Variants in TEX14 observed in about 807,000 individuals in gnomAD.
TEX14 encodes the protein inactive serine/threonine-protein kinase TEX14.
In TEX14, 168 loss-of-function variants were observed where a neutral mutation model predicts 178.6. The observed-to-expected ratio is 0.94, with a 90% CI of 0.83 to 1.07. The LOEUF is 1.07. Among genes scored for constraint, TEX14 ranks in the 50% least tolerant of loss-of-function variants. TEX14 has a pLI of 0.00. For synonymous variants in TEX14, 626 were observed against 634.1 expected, an observed-to-expected ratio of 0.99 and a Z score of 0.19; for missense variants, 1,730 against 1,753.6, an observed-to-expected ratio of 0.99 and a Z score of 0.24.
chr17:58,681,742 C>A (rs568678246), intron 1 of TEX14, among the ~76,000 whole-genome samples: 1 of 151,978 alleles, frequency 6.6e-6, no homozygotes, highest in Non-Finnish European at 1.5e-5. Flanking sequence ...ACCCAGGAGG[C>A]TGATGAAGGA....
At chr17:58,640,305 C>CA (rs71143261) in intron 2 of TEX14, among the ~76,000 whole-genome samples, 27,076 of 130,240 alleles carry the variant, frequency 0.21, 2,526 homozygotes, top group Non-Finnish European at 0.23. Context: ...GACTCTGTCC[C>CA]AAAAAAAAAA....
chr17:58,617,664 C>A lies in TEX14; in HGVS notation c.555-45G>T, dbSNP rs1248322947. 4 of 1,384,140 alleles carry A rather than the reference C, an allele frequency of 2.9e-6. No homozygotes were observed. In the African/African-American group the frequency reaches 5.7e-5, roughly 20 times the overall value. The allele number at this position is 1,384,140 out of a possible 1,614,324, so 85.7% of individuals were successfully genotyped here. On this transcript the variant is annotated intron_variant, in intron 5 of 31. Coordinates refer to ENST00000349033, the MANE Select transcript of TEX14 (RefSeq NM_031272.5). ...GAAAAAAACCTCAGAATTAACCACT[C>A]ATATCCAGAATAATAATGCTGAACC...
At position 58,611,242 on chromosome 17, in the gene TEX14, T is replaced by C; in HGVS notation, c.1103A>G (p.His368Arg). The change falls in exon 10 of 32, where the codon CAC becomes CGC. Residue 368 changes from histidine to arginine, a missense_variant. Around this residue, in one of 2 missense-constraint regions of TEX14, gnomAD observed 789 missense variants for 681.2 expected, o/e 1.16. Transcript: ENST00000349033. ...GACAGCATAGGAGCTGAGGGAGCGG[T>C]GGATAAACCCCTGGAAATGCAGGTA... ...LRYLHFQGFI[H>R]RSLSSYAVHI... 6.2e-7 allele frequency: 1 copy of C among 1,613,744 alleles called. No homozygotes were observed. The highest frequency in any genetic ancestry group is 8.5e-7 in the Non-Finnish European group (1 of 1,179,780).
chr17:58,579,801 T>G, intron 19 of TEX14, 70 bp from the exon 20 acceptor site: 1 of 1,202,782 alleles, frequency 8.3e-7, no homozygotes, highest in South Asian at 1.3e-5. Context: ...AGGTCAATAA[T>G]TTCTTGATGT....
chr17:58,571,482 C>G (rs1256498840), intron 24 of TEX14, among the ~76,000 whole-genome samples: 1 of 151,940 alleles, frequency 6.6e-6, no homozygotes, highest in Admixed American at 6.6e-5. Flanking sequence ...AAGTGATCTG[C>G]CCGCCTCGGT....
chr17:58,587,741 C>G, intron 16 of TEX14, 75 bp from the exon 17 acceptor site: 2 of 1,263,886 alleles, frequency 1.6e-6, no homozygotes, highest in Non-Finnish European at 2.3e-6. Context: ...AAGTTCTTGA[C>G]AGAACCAAAA....
At chr17:58,558,965 A>T (rs544758919) in intron 30 of TEX14, among the ~76,000 whole-genome samples, 1 of 152,128 alleles carries the variant, frequency 6.6e-6, no homozygotes, top group African/African-American at 2.4e-5. Context: ...AGGTCAAGAG[A>T]TCGAGACCAT....
chr17:58,604,564 T>A lies in TEX14; in HGVS notation c.1336+414A>T, dbSNP rs965475697. Among the ~76,000 whole-genome samples the A allele has an allele frequency of 2.7e-5, 4 of 148,394 alleles. No homozygotes were observed. In the South Asian group the frequency reaches 8.5e-4, roughly 32 times the overall value. On this transcript the variant is annotated intron_variant, in intron 11 of 31. Transcript: ENST00000349033. ...GCAGATGGATGGGCTTTGCTGAGTC[T>A]TTTTTTTTTCTTTTGAGACAGAGTC...
chr17:58,623,720 T>C lies in TEX14; in HGVS notation c.252-708A>G, dbSNP rs1003821642. On this transcript the variant is annotated intron_variant, in intron 3 of 31. Transcript: ENST00000349033. ...TCTTTAACTGAAAAAGAAACACAAATAGGAGGAGGAGGAAGGGAAAAAAAA... is the reference window on the plus strand; with the variant it reads ...TCTTTAACTGAAAAAGAAACACAAACAGGAGGAGGAGGAAGGGAAAAAAAA... 4.6e-5 allele frequency among the ~76,000 whole-genome samples: 6 copies of C among 130,218 alleles called. No individual in the cohort carries two copies. The East Asian group carries it at 1.1e-3, about 24-fold the overall frequency. The allele number at this position is 130,218 out of a possible 152,430, so 85.4% of individuals were successfully genotyped here. A position where few individuals can be genotyped will look rare whatever the true frequency, so the allele number is the denominator to read the frequency against.
rs559774692 is a variant in TEX14, at chr17:58,613,808, G to A, written c.882-264C>T. On this transcript the variant is annotated intron_variant, in intron 8 of 31. Coordinates refer to ENST00000349033, the MANE Select transcript of TEX14 (RefSeq NM_031272.5). ...CAGGCTTCCAAGTAGCTGGGATTAC[G>A]GATGCCCACCACCACTTGCAGCTAA... Among the ~76,000 whole-genome samples, 8 of 152,102 alleles carry A rather than the reference G, an allele frequency of 5.3e-5. No homozygotes were observed. The East Asian group carries it at 1.2e-3, about 22-fold the overall frequency.
intron 6 of TEX14, 132 bp from the exon 7 acceptor site, chr17:58,616,437 C>CT (rs2045874677): frequency 1.9e-6 from 2 of 1,055,676 alleles, no homozygotes; most frequent in African/African-American, 2.6e-5. Flanking sequence ...ATGCACTGGG[C>CT]CTTTTTTTTT....
intron 14 of TEX14, among the ~76,000 whole-genome samples, chr17:58,597,307 G>C (rs932639122): frequency 6.6e-6 from 1 of 152,132 alleles, no homozygotes; most frequent in African/African-American, 2.4e-5. Context: ...GCTGAGGCAG[G>C]AGAATCGCTT....
At chr17:58,631,767 A>G (rs887319605) in intron 2 of TEX14, 3 of 152,084 alleles carry the variant, frequency 2.0e-5, no homozygotes, top group African/African-American at 4.8e-5. Context: ...CGCGGTTTCC[A>G]GCGTTCTACA....
chr17:58,604,808 G>A (rs1399506759), intron 11 of TEX14, among the ~76,000 whole-genome samples, 170 bp downstream of exon 11: 13 of 152,082 alleles, frequency 8.5e-5, no homozygotes, highest in African/African-American at 2.9e-4. Flanking sequence ...TGATCCACCC[G>A]CCTCAGCCTC....
In TEX14 at chr17:58,563,740, C is replaced by T. The variant is rs73327338; in HGVS notation, c.4064+1129G>A. 8.8e-3 allele frequency among the ~76,000 whole-genome samples: 1,086 copies of T among 123,772 alleles called. 23 individuals carry two copies. Among genetic ancestry groups the T allele is most frequent in the African/African-American group, 0.031 (997 of 32,342 alleles). The allele number at this position is 123,772 out of a possible 152,430, so 81.2% of individuals were successfully genotyped here. ...CATATGTATGTATATAGAGAGAGAT[C>T]ATACATATATATGTATACATATATA... On this transcript the variant is annotated intron_variant, in intron 28 of 31. Coordinates refer to ENST00000349033, the MANE Select transcript of TEX14 (RefSeq NM_031272.5).
At chr17:58,602,617 G>A (rs1233327005) in intron 11 of TEX14, 27 bp from the exon 12 acceptor site, 8 of 1,578,114 alleles carry the variant, frequency 5.1e-6, no homozygotes, top group Non-Finnish European at 6.0e-6. Flanking sequence ...ATACAAAAGA[G>A]TAAATTAGGA....
chr17:58,667,130 G>A (rs1479755233), intron 1 of TEX14, among the ~76,000 whole-genome samples: 1 of 152,196 alleles, frequency 6.6e-6, no homozygotes, highest in Non-Finnish European at 1.5e-5. Flanking sequence ...GCTAACAGAC[G>A]TGAATGAACT....
chr17:58,592,063 CAA>C (rs1196479902), intron 15 of TEX14, among the ~76,000 whole-genome samples: 3 of 117,502 alleles, frequency 2.6e-5, no homozygotes, highest in Non-Finnish European at 1.8e-5. Context: ...AACTCCATCT[CAA>C]AAAAAAAAAA....
In TEX14 at chr17:58,621,730, G is replaced by A. The variant is rs1191102756; in HGVS notation, c.474C>T (p.Phe158=). ...ASHMQAIIQG[F]SYDLLKKIDS... ...CTATCTTCTTCAGGAGGTCGTAAGA[G>A]AAGCCCTGGATGATGGCCTGCATGT... is the stretch of plus-strand genomic sequence containing the variant. The change falls in exon 5 of 32, where the codon TTC becomes TTT. Residue 158 remains phenylalanine (F), a synonymous_variant. Coordinates refer to ENST00000349033, the MANE Select transcript of TEX14 (RefSeq NM_031272.5). The A allele has an allele frequency of 6.2e-7, 1 of 1,614,096 alleles. No individual in the cohort carries two copies. Among genetic ancestry groups the A allele is most frequent in the Non-Finnish European group, 8.5e-7 (1 of 1,180,038 alleles).
Sources: gnomAD v4.1 joint callset for allele counts (sites outside exome capture counted in the v4.1 genomes callset) on GRCh38, gnomAD v4.1.1 for gene constraint, gnomAD v4.1.1 regional missense constraint, MANE v1.5 for transcripts, NCBI Gene and HGNC (gene_info 2026-07-23, HGNC 2026-07-21) for gene names.